The following LRRC4C variants were observed in gnomAD, a reference collection of about 807,000 sequenced individuals.
LRRC4C encodes leucine-rich repeat-containing protein 4C.
A neutral mutation model predicts 33.6 loss-of-function variants in LRRC4C; 5 were observed. That is an observed-to-expected ratio of 0.15 (90% CI 0.08 to 0.31). LRRC4C has a LOEUF of 0.31. Among genes scored for constraint, LRRC4C ranks in the 10% least tolerant of loss-of-function variants. The probability of loss-of-function intolerance (pLI) is 1.00; values close to 1 mark genes in which losing one functional copy is unlikely to be tolerated. For synonymous variants in LRRC4C, 329 were observed against 302.0 expected, an observed-to-expected ratio of 1.09 and a Z score of -0.93; for missense variants, 560 against 796.7, an observed-to-expected ratio of 0.70 and a Z score of 3.58.
intron 1 of LRRC4C, among the ~76,000 whole-genome samples, chr11:40,963,391 A>G (rs1326812515): frequency 3.3e-5 from 5 of 151,762 alleles, no homozygotes; most frequent in Non-Finnish European, 7.4e-5. Context: ...CATCAATGGT[A>G]TATAAATCAA....
chr11:41,205,956 T>G (rs978290018), intron 1 of LRRC4C, among the ~76,000 whole-genome samples: 1 of 152,122 alleles, frequency 6.6e-6, no homozygotes, highest in Non-Finnish European at 1.5e-5. Context: ...AGAAAAAAAC[T>G]CCTTAGCTGG....
chr11:41,081,460 A>G (rs551981497), intron 1 of LRRC4C, among the ~76,000 whole-genome samples: 1 of 152,298 alleles, frequency 6.6e-6, no homozygotes, highest in East Asian at 1.9e-4. Flanking sequence ...CAAGATTACT[A>G]CTTGCTGGCT....
At chr11:40,759,924 G>A (rs1434429497) in intron 2 of LRRC4C, among the ~76,000 whole-genome samples, 3 of 142,888 alleles carry the variant, frequency 2.1e-5, no homozygotes, top group Admixed American at 1.4e-4. Flanking sequence ...GTAATTAGGT[G>A]AAGTAGAGAA....
chr11:40,579,323 TAA>T (rs112873928), intron 3 of LRRC4C, among the ~76,000 whole-genome samples: 8 of 143,810 alleles, frequency 5.6e-5, no homozygotes, highest in Admixed American at 4.8e-4. Flanking sequence ...GAGACTCTGT[TAA>T]AAAAAAAAAA....
chr11:40,382,398 T>C (rs973137134), intron 3 of LRRC4C, among the ~76,000 whole-genome samples: 1 of 151,820 alleles, frequency 6.6e-6, no homozygotes, highest in Admixed American at 6.6e-5. Context: ...TAGAAAAAGC[T>C]GTGTATATTT....
intron 1 of LRRC4C, among the ~76,000 whole-genome samples, chr11:41,212,298 A>G (rs1946856222): frequency 1.3e-5 from 2 of 152,240 alleles, no homozygotes; most frequent in South Asian, 4.1e-4. Flanking sequence ...TAAGAAATTA[A>G]TCAAGGCTGC....
At chr11:41,372,644 C>A (rs1201286519) in intron 1 of LRRC4C, among the ~76,000 whole-genome samples, 1 of 151,966 alleles carries the variant, frequency 6.6e-6, no homozygotes, top group Non-Finnish European at 1.5e-5. Flanking sequence ...CATTTCTGAG[C>A]CTAACCCCAT....
chr11:40,982,782 T>C (rs1852634564), intron 1 of LRRC4C, among the ~76,000 whole-genome samples: 1 of 152,132 alleles, frequency 6.6e-6, no homozygotes, highest in Admixed American at 6.5e-5. Context: ...GTATTAAGCC[T>C]CGTATCCATT....
intron 1 of LRRC4C, among the ~76,000 whole-genome samples, chr11:41,332,678 T>A (rs1951332526): frequency 6.6e-6 from 1 of 152,252 alleles, no homozygotes; most frequent in Non-Finnish European, 1.5e-5. Flanking sequence ...GAAGATGTTT[T>A]ATCCTTCTTT....
At chr11:40,541,867 C>A (rs1434414683) in intron 3 of LRRC4C, among the ~76,000 whole-genome samples, 1 of 152,086 alleles carries the variant, frequency 6.6e-6, no homozygotes, top group Non-Finnish European at 1.5e-5. Context: ...CTGCAATTTT[C>A]TCTGACATCA....
intron 4 of LRRC4C, among the ~76,000 whole-genome samples, chr11:40,286,698 T>G (rs551930846): frequency 6.6e-6 from 1 of 152,154 alleles, no homozygotes; most frequent in Non-Finnish European, 1.5e-5. Flanking sequence ...GCCAAATACT[T>G]AAGACATTTT....
intron 1 of LRRC4C, among the ~76,000 whole-genome samples, chr11:41,286,615 CAGG>C (rs1949836556): frequency 6.7e-6 from 1 of 148,938 alleles, no homozygotes; most frequent in Non-Finnish European, 1.5e-5. Context: ...TTGGGCCTGT[CAGG>C]TAATGTTACT....
chr11:41,334,817 C>A (rs1951401071), intron 1 of LRRC4C, among the ~76,000 whole-genome samples: 1 of 152,068 alleles, frequency 6.6e-6, no homozygotes. Flanking sequence ...CATTCCACTG[C>A]ACTGCAGCCT....
In LRRC4C at chr11:40,133,368, C is replaced by T. The variant is rs540817354; in HGVS notation, c.-43+7433G>A. 5.9e-5 allele frequency among the ~76,000 whole-genome samples: 9 copies of T among 152,256 alleles called. No homozygotes were observed. In the South Asian group the frequency reaches 1.0e-3, roughly 18 times the overall value. Reference sequence around the variant, plus strand: ...TTCAGATTTTAAAATCACCTCCCAACGTTTTACCAAGTACTTACTTCCTTG... The same window carrying T: ...TTCAGATTTTAAAATCACCTCCCAATGTTTTACCAAGTACTTACTTCCTTG... On this transcript the variant is annotated intron_variant, in intron 6 of 6. Transcript: ENST00000528697.
chr11:40,830,113 A>G (rs1281548796), intron 2 of LRRC4C, among the ~76,000 whole-genome samples: 2 of 152,018 alleles, frequency 1.3e-5, no homozygotes, highest in African/African-American at 2.4e-5. Flanking sequence ...AGCACGGGCT[A>G]TTAAGATCTA....
At chr11:40,380,643 C>T (rs754175650) in intron 3 of LRRC4C, among the ~76,000 whole-genome samples, 15 of 152,058 alleles carry the variant, frequency 9.9e-5, no homozygotes, top group East Asian at 5.8e-4. Flanking sequence ...TGAGATAATA[C>T]GTGTAAAGTA....
chr11:40,880,396 T>A (rs1381004666), intron 2 of LRRC4C, among the ~76,000 whole-genome samples: 1 of 152,132 alleles, frequency 6.6e-6, no homozygotes, highest in Non-Finnish European at 1.5e-5. Context: ...TTGACTCTTG[T>A]AGGAGTTTGA....
chr11:40,155,777 CAAAGAAG>C lies in LRRC4C; in HGVS notation c.-95-14931_-95-14925del, dbSNP rs1193889667. 4.6e-5 allele frequency among the ~76,000 whole-genome samples: 7 copies of C among 152,200 alleles called. No individual in the cohort carries two copies. The Middle Eastern group carries it at 0.01, about 222-fold the overall frequency. Reference sequence around the variant, plus strand: ...TCACAGCAGAATTCTACCAGATGTTCAAAGAAGAATTGATACCAATCCTTTTGACATT... The same window carrying C: ...TCACAGCAGAATTCTACCAGATGTTCAATTGATACCAATCCTTTTGACATT... On this transcript the variant is annotated intron_variant, in intron 5 of 6. Coordinates refer to ENST00000528697, the MANE Select transcript of LRRC4C (RefSeq NM_001258419.2).
intron 1 of LRRC4C, among the ~76,000 whole-genome samples, chr11:41,143,400 T>C (rs1943597264): frequency 6.6e-6 from 1 of 152,118 alleles, no homozygotes; most frequent in Non-Finnish European, 1.5e-5. Context: ...TAAGGCATAG[T>C]CTGATAAGTA....
Sources: gnomAD v4.1 joint callset for allele counts (sites outside exome capture counted in the v4.1 genomes callset) on GRCh38, gnomAD v4.1.1 for gene constraint, MANE v1.5 for transcripts, NCBI Gene and HGNC (gene_info 2026-07-23, HGNC 2026-07-21) for gene names.